CUL4A: variants seen among roughly 807,000 people sequenced by gnomAD.
CUL4A encodes the protein cullin-4A.
CUL4A carries 16 observed loss-of-function variants against 95.5 expected under a neutral mutation model. The observed-to-expected ratio is 0.17, with a 90% CI of 0.11 to 0.25. The LOEUF (loss-of-function observed/expected upper bound fraction) is 0.25. CUL4A is among the 10% of genes least tolerant of loss of function. The pLI is 1.00. For missense variants in CUL4A, 610 were observed against 937.0 expected, an observed-to-expected ratio of 0.65 and a Z score of 4.56; for synonymous variants, 380 against 353.1, an observed-to-expected ratio of 1.08 and a Z score of -0.85.
intron 16 of CUL4A, 141 bp downstream of exon 16, chr13:113,253,336 G>A (rs1392764519): frequency 7.2e-6 from 3 of 414,664 alleles, no homozygotes; most frequent in African/African-American, 6.2e-5. Flanking sequence ...ATTTGTAACA[G>A]TTAAAGGGTT....
At position 113,242,466 on chromosome 13, in the gene CUL4A, C is replaced by T. The variant is rs552700513; in HGVS notation, c.1036-502C>T. Among the ~76,000 whole-genome samples the T allele has an allele frequency of 3.9e-5, 6 of 152,260 alleles. No individual in the cohort carries two copies. In the East Asian group the frequency reaches 7.7e-4, roughly 20 times the overall value. On this transcript the variant is annotated intron_variant, in intron 10 of 19. Coordinates refer to ENST00000375440, the MANE Select transcript of CUL4A (RefSeq NM_001008895.4). Reference sequence around the variant, plus strand: ...TTGTAAGTTCTCTCAGAAACAGAATCGTAAGACCAATGCATTAATTGTGTA... The same window carrying T: ...TTGTAAGTTCTCTCAGAAACAGAATTGTAAGACCAATGCATTAATTGTGTA...
intron 17 of CUL4A, 21 bp from the exon 18 acceptor site, chr13:113,254,932 C>T: frequency 6.2e-7 from 1 of 1,607,962 alleles, no homozygotes; most frequent in Non-Finnish European, 8.5e-7. Context: ...CAGCCTTTGC[C>T]TGCATTTGCT....
chr13:113,258,781 G>A (rs536268910), intron 18 of CUL4A, among the ~76,000 whole-genome samples: 35 of 152,286 alleles, frequency 2.3e-4, no homozygotes, highest in South Asian at 4.1e-4. Context: ...AAATACTGTC[G>A]TCAGCCAACG....
At chr13:113,215,359 T>C (rs1380520436) in intron 2 of CUL4A, among the ~76,000 whole-genome samples, 3 of 147,494 alleles carry the variant, frequency 2.0e-5, no homozygotes, top group Admixed American at 6.7e-5. Flanking sequence ...TCTGTGACCA[T>C]GGAGGTCACG....
upstream of CUL4A, chr13:113,208,819 C>CT: frequency 7.1e-7 from 1 of 1,410,152 alleles, no homozygotes; most frequent in Non-Finnish European, 9.2e-7. Flanking sequence ...GGCCCGGGGT[C>CT]TTTCTGCCGG....
At chr13:113,253,829 A>G (rs1375548197) in intron 16 of CUL4A, among the ~76,000 whole-genome samples, 1 of 152,236 alleles carries the variant, frequency 6.6e-6, no homozygotes, top group Non-Finnish European at 1.5e-5. Context: ...AAAGGCGCTT[A>G]TGAAACGGCA....
intron 15 of CUL4A, among the ~76,000 whole-genome samples, chr13:113,251,346 C>T (rs1035208889): frequency 5.3e-5 from 8 of 152,160 alleles, no homozygotes; most frequent in African/African-American, 1.9e-4. Flanking sequence ...TGAACTGGGC[C>T]TGGAGGATGG....
At chr13:113,235,547 T>G (rs2041510119) in intron 8 of CUL4A, among the ~76,000 whole-genome samples, 1 of 152,164 alleles carries the variant, frequency 6.6e-6, no homozygotes, top group African/African-American at 2.4e-5. Flanking sequence ...CCTGCAAACC[T>G]GAGGTTGATG....
rs138201709 is a variant in CUL4A at position 113,226,394 on chromosome 13, C to G, written c.369-1582C>G. The stretch of plus-strand genomic sequence containing the variant: ...TCCATGTTCTGTCCCCTTTGACAAG[C>G]CATTTTCTTAATCTGTACAAAGGGA... On this transcript the variant is annotated intron_variant, in intron 3 of 19. Coordinates refer to ENST00000375440, the MANE Select transcript of CUL4A (RefSeq NM_001008895.4). Among the ~76,000 whole-genome samples the G allele has an allele frequency of 1.6e-4, 25 of 152,296 alleles. No homozygotes were observed. The East Asian group carries it at 4.2e-3, about 26-fold the overall frequency.
chr13:113,210,056 TC>T lies in CUL4A; in HGVS notation c.234del (p.Ile79SerfsTer48). The T allele has an allele frequency of 6.6e-7, 1 of 1,518,308 alleles. No individual in the cohort carries two copies. The highest frequency in any genetic ancestry group is 8.8e-7 in the Non-Finnish European group (1 of 1,134,006). 94.1% of individuals were successfully genotyped at this position (1,518,308 alleles called of 1,614,324 possible). On this transcript the variant is annotated frameshift_variant, in exon 2 of 20. Transcript: ENST00000375440. LOFTEE classifies it high-confidence loss of function. ...GGTGCGGGCCGTGCAGAGCAGCACC[TC>T]CATCAGGTACAACCTCGAGGAGCTC... ...EAVRAVQSST[S>X]IRYNLEELYQ... is the part of the protein sequence containing the mutation.
intron 7 of CUL4A, among the ~76,000 whole-genome samples, chr13:113,234,455 T>TG (rs1491197619): frequency 6.6e-6 from 1 of 152,140 alleles, no homozygotes; most frequent in Non-Finnish European, 1.5e-5. Flanking sequence ...CCCCATAGAC[T>TG]GTCACCCAAA....
chr13:113,254,832 T>G, intron 17 of CUL4A, 34 bp downstream of exon 17: 1 of 1,593,836 alleles, frequency 6.3e-7, no homozygotes, highest in Non-Finnish European at 8.6e-7. Context: ...GCTCCATGAG[T>G]TGTTCTTAAA....
chr13:113,217,717 A>G (rs996930102), intron 2 of CUL4A, among the ~76,000 whole-genome samples: 4 of 152,206 alleles, frequency 2.6e-5, no homozygotes, highest in Admixed American at 1.3e-4. Context: ...TTATTTATCT[A>G]AAGTGTTTTT....
intron 3 of CUL4A, among the ~76,000 whole-genome samples, chr13:113,224,768 C>A (rs1011433701): frequency 6.6e-6 from 1 of 152,214 alleles, no homozygotes; most frequent in Non-Finnish European, 1.5e-5. Context: ...CTTTATTGAC[C>A]ATATTTTCCA....
intron 18 of CUL4A, among the ~76,000 whole-genome samples, chr13:113,257,204 C>T (rs1034936262): frequency 2.6e-5 from 4 of 152,060 alleles, no homozygotes; most frequent in Admixed American, 6.6e-5. Flanking sequence ...AGATTACAGG[C>T]GTGAGCCACC....
intron 2 of CUL4A, 145 bp from the exon 3 acceptor site, chr13:113,218,800 G>A (rs2040789471): frequency 1.7e-6 from 1 of 593,398 alleles, no homozygotes; most frequent in East Asian, 2.9e-5. Flanking sequence ...GCCATAATAA[G>A]TAATTTATTT....
intron 15 of CUL4A, among the ~76,000 whole-genome samples, chr13:113,251,142 C>G (rs2041985232): frequency 6.6e-6 from 1 of 152,166 alleles, no homozygotes; most frequent in African/African-American, 2.4e-5. Flanking sequence ...GAGCCCCTGT[C>G]CGGAGTCCAC....
chr13:113,260,492 G>A (rs1040042945), intron 18 of CUL4A, 115 bp from the exon 19 acceptor site: 1 of 892,724 alleles, frequency 1.1e-6, no homozygotes, highest in East Asian at 3.0e-5. Flanking sequence ...GGAGGTTGCA[G>A]TGAGCCGAGA....
chr13:113,212,428 G>A (rs1055904589), intron 2 of CUL4A, among the ~76,000 whole-genome samples: 1 of 152,152 alleles, frequency 6.6e-6, no homozygotes, highest in Non-Finnish European at 1.5e-5. Flanking sequence ...AGAGTTTTAG[G>A]TTTTACATCT....
Sources: gnomAD v4.1 joint callset for allele counts (sites outside exome capture counted in the v4.1 genomes callset) on GRCh38, gnomAD v4.1.1 for gene constraint, MANE v1.5 for transcripts, NCBI Gene and HGNC (gene_info 2026-07-23, HGNC 2026-07-21) for gene names.